Variants in FAM78A observed in about 807,000 individuals in gnomAD.
FAM78A encodes family with sequence similarity 78 member A.
Under a neutral mutation model 22.6 loss-of-function variants are expected in FAM78A, and 12 were observed. The observed-to-expected ratio is 0.53, with a 90% CI of 0.34 to 0.86. FAM78A has a LOEUF of 0.86. Ranked by LOEUF, FAM78A falls within the 40% of genes least tolerant of loss-of-function variation. The probability of loss-of-function intolerance (pLI) is 0.02; values close to 1 mark genes in which losing one functional copy is unlikely to be tolerated. For missense variants in FAM78A, 322 were observed against 396.1 expected (o/e 0.81, Z 1.59); for synonymous variants, 151 against 155.8 (o/e 0.97, Z 0.23).
At chr9:131,271,181 T>G (rs1046108334) in intron 1 of FAM78A, among the ~76,000 whole-genome samples, 2 of 152,000 alleles carry the variant, frequency 1.3e-5, no homozygotes, top group South Asian at 2.1e-4. Flanking sequence ...CTAATTTTTT[T>G]GTATTTTTTG....
Position 131,276,107 on chromosome 9 carries a change from G to A in FAM78A, c.73C>T (p.Gln25Ter). 6.2e-7 allele frequency: 1 copy of A among 1,613,762 alleles called. No homozygotes were observed. The highest frequency in any genetic ancestry group is 8.5e-7 in the Non-Finnish European group (1 of 1,180,028). Residue 25 changes from glutamine to a stop codon, truncating the protein, a stop_gained, in exon 1 of 2, where the codon CAG becomes TAG. Coordinates refer to ENST00000372271, the MANE Select transcript of FAM78A (RefSeq NM_033387.4). LOFTEE classifies it high-confidence loss of function. The surrounding 1 kb of genome is among the most constrained non-coding windows in gnomAD (Gnocchi z 4.3). The part of the protein sequence containing the change: ...RALLYAMGCI[Q>*]SIGGKARVFR... The stretch of plus-strand genomic sequence containing the variant: ...ACTCTGGCTTTGCCTCCGATGCTCT[G>A]AATACAGCCCATGGCATACAGGAGC...
intron 1 of FAM78A, among the ~76,000 whole-genome samples, chr9:131,270,926 T>C (rs1220073029): frequency 6.6e-6 from 1 of 151,574 alleles, no homozygotes; most frequent in East Asian, 1.9e-4. Context: ...GAGGCAGCCA[T>C]TCTCAGCGTC....
chr9:131,260,716 G>T lies in FAM78A; in HGVS notation c.*106C>A. On this transcript the variant is annotated 3_prime_UTR_variant, in exon 2 of 2. Transcript: ENST00000372271. The surrounding 1 kb of genome is among the most constrained non-coding windows in gnomAD (Gnocchi z 5.4). ...AGCACAGTGAGATCCGCCCGCTGGA[G>T]AGGGTAGAATGGTTGTATCTTGCTG... 7.2e-7 allele frequency: 1 copy of T among 1,384,198 alleles called. No homozygotes were observed. Among genetic ancestry groups the T allele is most frequent in the Non-Finnish European group, 9.6e-7 (1 of 1,040,382 alleles). 85.7% of individuals were successfully genotyped at this position (1,384,198 alleles called of 1,614,324 possible). A position where few individuals can be genotyped will look rare whatever the true frequency, so the allele number is the denominator to read the frequency against.
intron 1 of FAM78A, among the ~76,000 whole-genome samples, chr9:131,271,065 G>T (rs1452946699): frequency 6.7e-6 from 1 of 148,614 alleles, no homozygotes; most frequent in African/African-American, 2.5e-5. Context: ...GAGTGCAGTG[G>T]TGCAATCACA....
rs1375185121 is a variant in FAM78A at position 131,271,607 on chromosome 9, G to A, written c.323+4250C>T. 2.6e-5 allele frequency among the ~76,000 whole-genome samples: 4 copies of A among 152,228 alleles called. No homozygotes were observed. The East Asian group carries it at 7.7e-4, about 29-fold the overall frequency. On this transcript the variant is annotated intron_variant, in intron 1 of 1. Transcript: ENST00000372271. ...GGGGTAGTGTCCCCATCCACCCAAAGAAACCCTTTCTATCTGAGCTGCTCC... is the reference window on the plus strand; with the variant it reads ...GGGGTAGTGTCCCCATCCACCCAAAAAAACCCTTTCTATCTGAGCTGCTCC...
upstream of FAM78A, among the ~76,000 whole-genome samples, chr9:131,280,437 G>A (rs938205453): frequency 3.3e-5 from 5 of 152,198 alleles, no homozygotes; most frequent in Non-Finnish European, 5.9e-5. Context: ...AGCAGAGGAA[G>A]GGGACATCTG....
At chr9:131,278,017 C>G (rs1323832240), upstream of FAM78A, among the ~76,000 whole-genome samples, 2 of 146,472 alleles carry the variant, frequency 1.4e-5, no homozygotes, top group Non-Finnish European at 3.0e-5. Context: ...GCCCGCTCGC[C>G]GGCCCCGCGG....
intron 1 of FAM78A, chr9:131,263,596 C>A: frequency 6.0e-6 from 1 of 168,040 alleles, no homozygotes; most frequent in Non-Finnish European, 1.3e-5. Flanking sequence ...GAGCCAGACC[C>A]TGTCTTAAAA....
Position 131,259,326 on chromosome 9 carries a change from C to G in FAM78A, c.*1496G>C, listed in dbSNP as rs1304778356. ...CCCTGGAGCTCCAGTGACCTGGGAC[C>G]GAGGGAGGGCAGGTCCCAGGGATGG... On this transcript the variant is annotated 3_prime_UTR_variant, in exon 2 of 2. Coordinates refer to ENST00000372271, the MANE Select transcript of FAM78A (RefSeq NM_033387.4). 6.6e-6 allele frequency: 1 copy of G among 152,458 alleles called. No homozygotes were observed. Among genetic ancestry groups the G allele is most frequent in the Admixed American group, 6.5e-5 (1 of 15,284 alleles). 9.4% of individuals were successfully genotyped at this position (152,458 alleles called of 1,614,324 possible). A position where few individuals can be genotyped will look rare whatever the true frequency, so the allele number is the denominator to read the frequency against.
chr9:131,259,609 C>A lies in FAM78A; in HGVS notation c.*1213G>T, dbSNP rs1025706976. On this transcript the variant is annotated 3_prime_UTR_variant, in exon 2 of 2. Transcript: ENST00000372271. ...CGCTGCCCTGAGGGCCTGGGAGGGG[C>A]GCCCCTGAGAACGAGCCCTGTCTTG... 6.6e-6 allele frequency: 1 copy of A among 152,498 alleles called. No individual in the cohort carries two copies. Among genetic ancestry groups the A allele is most frequent in the Admixed American group, 6.5e-5 (1 of 15,290 alleles). 9.4% of individuals were successfully genotyped at this position (152,498 alleles called of 1,614,324 possible).
At position 131,261,366 on chromosome 9, in the gene FAM78A, G is replaced by C; in HGVS notation, c.324-16C>G. ...CCAGCTGGACCTGAGGACAAGGAAGGCCAGTTCACTCACTCGGTCACTCAA... is the reference window on the plus strand; with the variant it reads ...CCAGCTGGACCTGAGGACAAGGAAGCCCAGTTCACTCACTCGGTCACTCAA... On this transcript the variant is annotated splice_polypyrimidine_tract_variant and intron_variant, in intron 1 of 1. Coordinates refer to ENST00000372271, the MANE Select transcript of FAM78A (RefSeq NM_033387.4). The surrounding 1 kb of genome is among the most constrained non-coding windows in gnomAD (Gnocchi z 7.1). 1.9e-6 allele frequency: 3 copies of C among 1,556,242 alleles called. No homozygotes were observed. The highest frequency in any genetic ancestry group is 2.6e-6 in the Non-Finnish European group (3 of 1,159,506).
intron 1 of FAM78A, among the ~76,000 whole-genome samples, chr9:131,271,000 T>A (rs4740426): frequency 2.5e-5 from 2 of 81,370 alleles, no homozygotes. Flanking sequence ...TTCCCACCAG[T>A]CTTTTTTTTT....
intron 1 of FAM78A, among the ~76,000 whole-genome samples, chr9:131,262,304 T>C (rs965082147): frequency 1.4e-5 from 2 of 145,216 alleles, no homozygotes; most frequent in African/African-American, 2.6e-5. Context: ...AGTGAGACTC[T>C]GTCTCCAAAA....
upstream of FAM78A, among the ~76,000 whole-genome samples, chr9:131,280,583 CG>C (rs1835532983): frequency 6.6e-6 from 1 of 152,124 alleles, no homozygotes; most frequent in Non-Finnish European, 1.5e-5. Context: ...ATCCCCCACC[CG>C]GGATGGTGAA....
At chr9:131,273,591 G>A (rs1438130296) in intron 1 of FAM78A, among the ~76,000 whole-genome samples, 1 of 152,200 alleles carries the variant, frequency 6.6e-6, no homozygotes, top group Non-Finnish European at 1.5e-5. Flanking sequence ...TTAAACTCAG[G>A]AAGTGGGCCC....
chr9:131,269,101 C>CAA (rs34943494), intron 1 of FAM78A, among the ~76,000 whole-genome samples: 5 of 89,810 alleles, frequency 5.6e-5, no homozygotes, highest in East Asian at 2.8e-4. Context: ...AACTTCGTCT[C>CAA]AAAAAAAAAA....
rs566737537 is a variant in FAM78A at position 131,258,264 on chromosome 9, C to T, written c.*2558G>A. 18 of 152,798 alleles carry T rather than the reference C, an allele frequency of 1.2e-4. No individual in the cohort carries two copies. Among genetic ancestry groups the T allele is most frequent in the African/African-American group, 3.6e-4 (15 of 41,580 alleles). 9.5% of individuals were successfully genotyped at this position (152,798 alleles called of 1,614,324 possible). On this transcript the variant is annotated 3_prime_UTR_variant, in exon 2 of 2. Transcript: ENST00000372271. ...GCTGGAAGGAGTGAGTGGATGTCCA[C>T]GCCAGGGCGGGGCTGGAGGACATAA...
At position 131,274,910 on chromosome 9, in the gene FAM78A, G is replaced by T. The variant is rs768914534; in HGVS notation, c.323+947C>A. Reference sequence around the variant, plus strand: ...GCCAGTCACGGGGCCGCATGGGTGGGCTGCCCGCCGGGGCCTGCCTAGCTC... The same window carrying T: ...GCCAGTCACGGGGCCGCATGGGTGGTCTGCCCGCCGGGGCCTGCCTAGCTC... On this transcript the variant is annotated intron_variant, in intron 1 of 1. Coordinates refer to ENST00000372271, the MANE Select transcript of FAM78A (RefSeq NM_033387.4). This position sits in a 1 kb window ranked among gnomAD's most constrained non-coding sequence, Gnocchi z 4.2. Among the ~76,000 whole-genome samples the T allele has an allele frequency of 6.6e-6, 1 of 152,194 alleles. No homozygotes were observed. Among genetic ancestry groups the T allele is most frequent in the South Asian group, 2.1e-4 (1 of 4,828 alleles).
rs1835267523 is a variant in FAM78A, at chr9:131,261,404, G to A, written c.324-54C>T. On this transcript the variant is annotated intron_variant, in intron 1 of 1. Transcript: ENST00000372271. The surrounding 1 kb of genome is among the most constrained non-coding windows in gnomAD (Gnocchi z 7.1). The stretch of plus-strand genomic sequence containing the variant: ...CTCGGTCACTCAAGGAGGGCTTTCT[G>A]TGTCCCCCTGGCAGGCCAGGGGCTG... 1.4e-6 allele frequency: 2 copies of A among 1,475,346 alleles called. No individual in the cohort carries two copies. Among genetic ancestry groups the A allele is most frequent in the Middle Eastern group, 1.9e-4 (1 of 5,364 alleles). The allele number at this position is 1,475,346 out of a possible 1,614,324, so 91.4% of individuals were successfully genotyped here. A position where few individuals can be genotyped will look rare whatever the true frequency, so the allele number is the denominator to read the frequency against.
Sources: allele counts gnomAD v4.1 joint callset (sites outside exome capture counted in the v4.1 genomes callset), GRCh38; gene constraint gnomAD v4.1.1; non-coding constraint Gnocchi (gnomAD v3.1); transcripts MANE v1.5; gene names NCBI Gene and HGNC (gene_info 2026-07-23, HGNC 2026-07-21).